The following SCN10A variants were observed in gnomAD, a reference collection of about 807,000 sequenced individuals.
SCN10A encodes the protein sodium voltage-gated channel alpha subunit 10.
SCN10A carries 162 observed loss-of-function variants against 170.7 expected under a neutral mutation model. The ratio of observed to expected loss-of-function variants is 0.95; its 90% CI spans 0.84 to 1.08. The LOEUF (loss-of-function observed/expected upper bound fraction) is 1.08. SCN10A is among the 50% of genes least tolerant of loss of function. The pLI, the probability that SCN10A is intolerant of heterozygous loss-of-function variation, is 0.00. For synonymous variants in SCN10A, 985 were observed against 904.6 expected, an observed-to-expected ratio of 1.09 and a Z score of -1.59; for missense variants, 2,527 against 2,436.9, an observed-to-expected ratio of 1.04 and a Z score of -0.78.
chr3:38,776,372 C>A (rs2064074949), intron 4 of SCN10A, among the ~76,000 whole-genome samples: 1 of 151,966 alleles, frequency 6.6e-6, no homozygotes, highest in Non-Finnish European at 1.5e-5. Context: ...TTCAGAAAAC[C>A]ACTTTCGAAG....
intron 13 of SCN10A, among the ~76,000 whole-genome samples, chr3:38,743,503 C>A (rs191894457): frequency 1.3e-5 from 2 of 152,348 alleles, no homozygotes; most frequent in East Asian, 3.9e-4. Context: ...CTACACTTAA[C>A]CTTCTACAGC....
intron 4 of SCN10A, among the ~76,000 whole-genome samples, chr3:38,786,723 TA>T (rs1300922533): frequency 2.0e-5 from 3 of 152,144 alleles, no homozygotes; most frequent in Non-Finnish European, 1.5e-5. Context: ...GTTGGATGTT[TA>T]ATGTAGTTTT....
At chr3:38,716,060 T>C (rs2063330938) in intron 21 of SCN10A, among the ~76,000 whole-genome samples, 1 of 152,190 alleles carries the variant, frequency 6.6e-6, no homozygotes, top group Non-Finnish European at 1.5e-5. Context: ...ATGTATAACA[T>C]GAATACTATA....
chr3:38,707,197 T>A, intron 26 of SCN10A, 82 bp downstream of exon 26: 3 of 1,435,288 alleles, frequency 2.1e-6, no homozygotes, highest in Non-Finnish European at 2.9e-6. Flanking sequence ...CAGCACTCCC[T>A]CAGGCCCCTG....
intron 22 of SCN10A, 144 bp downstream of exon 22, chr3:38,713,814 G>A: frequency 1.1e-6 from 1 of 893,094 alleles, no homozygotes; most frequent in Non-Finnish European, 1.7e-6. Flanking sequence ...TTTTAGCAGA[G>A]ACAGGGTTTC....
At position 38,722,525 on chromosome 3, in the gene SCN10A, A is replaced by C. The variant is rs1182776464; in HGVS notation, c.3353-113T>G. The C allele has an allele frequency of 3.1e-6, 4 of 1,280,330 alleles. No homozygotes were observed. In the Admixed American group the frequency reaches 8.6e-5, roughly 27 times the overall value. 79.3% of individuals were successfully genotyped at this position (1,280,330 alleles called of 1,614,324 possible). A position where few individuals can be genotyped will look rare whatever the true frequency, so the allele number is the denominator to read the frequency against. ...GGAAACCCACTTGTCATGCCCTTGG[A>C]AAAAAATTCTTTCCTGGAATATGGG... On this transcript the variant is annotated intron_variant, in intron 19 of 27. Coordinates refer to ENST00000449082, the MANE Select transcript of SCN10A (RefSeq NM_006514.4).
At chr3:38,813,162 T>C (rs1412403939) in intron 1 of SCN10A, among the ~76,000 whole-genome samples, 1 of 152,172 alleles carries the variant, frequency 6.6e-6, no homozygotes, top group Non-Finnish European at 1.5e-5. Flanking sequence ...ATAATAATAA[T>C]TACTATTCCA....
chr3:38,721,071 T>C (rs1193824972), intron 20 of SCN10A, among the ~76,000 whole-genome samples: 1 of 152,178 alleles, frequency 6.6e-6, no homozygotes, highest in African/African-American at 2.4e-5. Flanking sequence ...TGGCTTTGCG[T>C]CATTGCCACC....
At chr3:38,731,019 T>C (rs1435833667) in intron 15 of SCN10A, among the ~76,000 whole-genome samples, 1 of 152,154 alleles carries the variant, frequency 6.6e-6, no homozygotes, top group Non-Finnish European at 1.5e-5. Flanking sequence ...AAGAAGTCAG[T>C]ATATCTTAAG....
chr3:38,798,526 A>G (rs2064353692), intron 1 of SCN10A, among the ~76,000 whole-genome samples: 1 of 152,164 alleles, frequency 6.6e-6, no homozygotes, highest in East Asian at 1.9e-4. Flanking sequence ...TGAGGTAGCC[A>G]TATCAAATGT....
At chr3:38,811,859 G>T (rs1347295951) in intron 1 of SCN10A, among the ~76,000 whole-genome samples, 1 of 152,178 alleles carries the variant, frequency 6.6e-6, no homozygotes, top group African/African-American at 2.4e-5. Flanking sequence ...GCTACAACTG[G>T]AATATACTGG....
intron 1 of SCN10A, among the ~76,000 whole-genome samples, chr3:38,797,162 C>T (rs924184073): frequency 6.6e-6 from 1 of 151,952 alleles, no homozygotes; most frequent in African/African-American, 2.4e-5. Context: ...ATCAAATACC[C>T]CTATGATGGA....
At chr3:38,718,352 A>T (rs2063353728) in intron 21 of SCN10A, among the ~76,000 whole-genome samples, 1 of 152,120 alleles carries the variant, frequency 6.6e-6, no homozygotes, top group Non-Finnish European at 1.5e-5. Context: ...GGGCCATAAG[A>T]CCTCTGAGAG....
At chr3:38,752,537 G>GA (rs763174985) in intron 11 of SCN10A, 25 bp from the exon 12 acceptor site, 3 of 1,515,588 alleles carry the variant, frequency 2.0e-6, no homozygotes, top group African/African-American at 1.4e-5. Context: ...AAAGGAGCAA[G>GA]AAGGCTGGAA....
In SCN10A at chr3:38,761,283, C is replaced by T. The variant is rs765147928; in HGVS notation, c.792G>A (p.Gly264=). 29 of 1,613,962 alleles carry T rather than the reference C, an allele frequency of 1.8e-5. No homozygotes were observed. Among genetic ancestry groups the T allele is most frequent in the Admixed American group, 8.3e-5 (5 of 60,008 alleles). Residue 264 remains glycine, a synonymous_variant, in exon 7 of 28, where the codon GGG becomes GGA. Coordinates refer to ENST00000449082, the MANE Select transcript of SCN10A (RefSeq NM_006514.4). ...TGAGGTTGCCCTTGAAGAGTTGCAGCCCCACCAAGGCAAAAACACTTAGGC... is the reference window on the plus strand; with the variant it reads ...TGAGGTTGCCCTTGAAGAGTTGCAGTCCCACCAAGGCAAAAACACTTAGGC... ...IFCLSVFALV[G]LQLFKGNLKN... is the part of the protein sequence containing the mutation.
Position 38,753,122 on chromosome 3 carries a change from G to T in SCN10A, c.1462-610C>A, listed in dbSNP as rs561405092. Among the ~76,000 whole-genome samples the T allele has an allele frequency of 6.8e-4, 103 of 152,274 alleles. 1 individual carries two copies. The Middle Eastern group carries it at 0.014, about 20-fold the overall frequency. ...CAACAATGGAGAGACTGAAGGAAGG[G>T]TTGCAGCCTAATTTCCTGGAAGAAT... On this transcript the variant is annotated intron_variant, in intron 11 of 27. Coordinates refer to ENST00000449082, the MANE Select transcript of SCN10A (RefSeq NM_006514.4).
chr3:38,799,355 C>T (rs953278136), intron 1 of SCN10A, among the ~76,000 whole-genome samples: 3 of 152,178 alleles, frequency 2.0e-5, no homozygotes, highest in Non-Finnish European at 2.9e-5. Context: ...TCAGAGAGGA[C>T]TGTCTAACCT....
chr3:38,762,598 G>A (rs1253779430), intron 6 of SCN10A, among the ~76,000 whole-genome samples: 1 of 152,142 alleles, frequency 6.6e-6, no homozygotes, highest in Non-Finnish European at 1.5e-5. Flanking sequence ...AGATGAGGCA[G>A]AAGAGACAGT....
chr3:38,714,038 C>T lies in SCN10A; in HGVS notation c.3724G>A (p.Glu1242Lys), dbSNP rs750759174. Residue 1242 changes from glutamate (E) to lysine (K), a missense_variant, in exon 22 of 28, where the codon GAA (glutamate) becomes AAA (lysine). By Grantham distance (56) the Glu-to-Lys change is moderately conservative (BLOSUM62 1). Coordinates refer to ENST00000449082, the MANE Select transcript of SCN10A (RefSeq NM_006514.4). ...CGAAGGGCTTTGATGGGAGCCACTT[C>T]AGAATATTCCAGAATCTTCGCTGTG... ...SLTAKILEYSEVAPIKALRTL... is the reference protein window; with the variant it reads ...SLTAKILEYSKVAPIKALRTL... 1.2e-6 allele frequency: 2 copies of T among 1,614,200 alleles called. No homozygotes were observed. Among genetic ancestry groups the T allele is most frequent in the East Asian group, 4.5e-5 (2 of 44,874 alleles).
Sources: allele counts gnomAD v4.1 joint callset (sites outside exome capture counted in the v4.1 genomes callset), GRCh38; gene constraint gnomAD v4.1.1; transcripts MANE v1.5; gene names NCBI Gene and HGNC (gene_info 2026-07-23, HGNC 2026-07-21).